NRXN3: variants seen among roughly 807,000 people sequenced by gnomAD.
NRXN3 encodes neurexin III.
NRXN3 carries 32 observed loss-of-function variants against 137.6 expected under a neutral mutation model. The ratio of observed to expected loss-of-function variants is 0.23; its 90% CI spans 0.18 to 0.31. The LOEUF (loss-of-function observed/expected upper bound fraction) is 0.31. Among genes scored for constraint, NRXN3 ranks in the 10% least tolerant of loss-of-function variants. NRXN3 has a pLI of 1.00. For missense variants in NRXN3, 1,574 were observed against 2,062.5 expected (o/e 0.76, Z 4.59); for synonymous variants, 798 against 784.5 (o/e 1.02, Z -0.29).
chr14:79,127,045 G>C (rs28847357), intron 15 of NRXN3, among the ~76,000 whole-genome samples: 7,410 of 152,032 alleles, frequency 0.049, 408 homozygotes, highest in African/African-American at 0.14. Flanking sequence ...TTGTAAATTT[G>C]TTTGAGTTCA....
At chr14:78,640,567 A>T (rs758601744) in intron 4 of NRXN3, among the ~76,000 whole-genome samples, 6 of 152,224 alleles carry the variant, frequency 3.9e-5, no homozygotes, top group Non-Finnish European at 5.9e-5. Context: ...TATTATATAA[A>T]TTATAAGTTG....
At chr14:78,275,749 G>A (rs988412362) in intron 2 of NRXN3, among the ~76,000 whole-genome samples, 1 of 152,158 alleles carries the variant, frequency 6.6e-6, no homozygotes, top group Admixed American at 6.5e-5. Flanking sequence ...GCTCAAGTGG[G>A]AGTGGGGGTC....
chr14:78,848,254 G>A (rs944436282), intron 10 of NRXN3, among the ~76,000 whole-genome samples: 5 of 152,122 alleles, frequency 3.3e-5, no homozygotes, highest in African/African-American at 1.2e-4. Flanking sequence ...AATGGAGGAT[G>A]CTCAGGGATC....
At chr14:79,721,811 C>T (rs937528476) in intron 19 of NRXN3, among the ~76,000 whole-genome samples, 4 of 152,078 alleles carry the variant, frequency 2.6e-5, no homozygotes, top group African/African-American at 7.2e-5. Context: ...CCATAACCTA[C>T]TGCTTGGATT....
At chr14:79,704,028 T>C (rs574944084) in intron 19 of NRXN3, among the ~76,000 whole-genome samples, 12 of 152,116 alleles carry the variant, frequency 7.9e-5, no homozygotes, top group Non-Finnish European at 1.5e-4. Context: ...TTGTGAGTTC[T>C]TCTAAGGGCC....
At chr14:79,135,489 C>T (rs952587033) in intron 15 of NRXN3, among the ~76,000 whole-genome samples, 1 of 152,128 alleles carries the variant, frequency 6.6e-6, no homozygotes, top group African/African-American at 2.4e-5. Flanking sequence ...TATGGGCTTG[C>T]TAAGCAATAC....
chr14:78,393,116 G>T (rs950845841), intron 4 of NRXN3, among the ~76,000 whole-genome samples: 1 of 151,882 alleles, frequency 6.6e-6, no homozygotes, highest in Non-Finnish European at 1.5e-5. Flanking sequence ...TATTGTAAAC[G>T]GGGGCAAGGG....
chr14:78,410,471 A>G (rs533684422), intron 4 of NRXN3, among the ~76,000 whole-genome samples: 2 of 152,238 alleles, frequency 1.3e-5, no homozygotes, highest in Non-Finnish European at 2.9e-5. Context: ...TAAATGGACT[A>G]TAAGACATAA....
intron 11 of NRXN3, among the ~76,000 whole-genome samples, chr14:78,961,264 C>A (rs1237036275): frequency 2.0e-5 from 3 of 152,028 alleles, no homozygotes; most frequent in Non-Finnish European, 4.4e-5. Context: ...CATTATTATT[C>A]TTTTTTGCTG....
In NRXN3 at chr14:79,866,127, A is replaced by G. The variant is rs2099417989; in HGVS notation, c.*4163A>G. The G allele has an allele frequency of 6.6e-6, 1 of 152,200 alleles. No individual in the cohort carries two copies. The highest frequency in any genetic ancestry group is 2.4e-5 in the African/African-American group (1 of 41,452). The allele number at this position is 152,200 out of a possible 1,614,324, so 9.4% of individuals were successfully genotyped here. A position where few individuals can be genotyped will look rare whatever the true frequency, so the allele number is the denominator to read the frequency against. ...CTTTTTGTCTCTTGTATAAATCTAT[A>G]CAGGTCCAGTCTCTCTTTGCTCATA... On this transcript the variant is annotated 3_prime_UTR_variant, in exon 21 of 21. Transcript: ENST00000335750.
At chr14:78,596,998 G>T (rs936519244) in intron 4 of NRXN3, among the ~76,000 whole-genome samples, 1 of 152,202 alleles carries the variant, frequency 6.6e-6, no homozygotes, top group African/African-American at 2.4e-5. Flanking sequence ...TGCAAAGAGG[G>T]CTGGGAGAGT....
At chr14:78,219,114 C>T (rs970061357) in intron 1 of NRXN3, among the ~76,000 whole-genome samples, 1 of 151,740 alleles carries the variant, frequency 6.6e-6, no homozygotes, top group Non-Finnish European at 1.5e-5. Flanking sequence ...AATCTAACTC[C>T]AAATACAGTC....
At chr14:78,761,512 T>A (rs2098692385) in intron 8 of NRXN3, among the ~76,000 whole-genome samples, 1 of 152,158 alleles carries the variant, frequency 6.6e-6, no homozygotes, top group Non-Finnish European at 1.5e-5. Context: ...AATGACATTT[T>A]CATTCATAAT....
chr14:79,052,235 A>C (rs1176924647), intron 15 of NRXN3, among the ~76,000 whole-genome samples: 1 of 152,164 alleles, frequency 6.6e-6, no homozygotes, highest in Middle Eastern at 3.2e-3. Context: ...AATTCTGTAC[A>C]TTTACGGGAT....
intron 4 of NRXN3, among the ~76,000 whole-genome samples, chr14:78,374,067 G>A (rs1331520351): frequency 6.6e-6 from 1 of 152,174 alleles, no homozygotes; most frequent in Non-Finnish European, 1.5e-5. Context: ...TAAAAACTAG[G>A]TCCGTCCTGG....
At chr14:79,617,726 T>G (rs1213740152) in intron 16 of NRXN3, among the ~76,000 whole-genome samples, 1 of 151,888 alleles carries the variant, frequency 6.6e-6, no homozygotes. Context: ...AAAGAGACAA[T>G]TAGGTAAAGG....
chr14:79,228,587 A>G (rs531183911), intron 15 of NRXN3, among the ~76,000 whole-genome samples: 1 of 152,274 alleles, frequency 6.6e-6, no homozygotes, highest in Non-Finnish European at 1.5e-5. Context: ...GGTAAAGATA[A>G]TTAAAGGGAC....
At chr14:79,114,963 G>C (rs2152899383) in intron 15 of NRXN3, among the ~76,000 whole-genome samples, 1 of 152,104 alleles carries the variant, frequency 6.6e-6, no homozygotes. Context: ...ATTACTCTTG[G>C]GTCTGGCCTG....
At chr14:78,782,408 T>C (rs1174200768) in intron 8 of NRXN3, among the ~76,000 whole-genome samples, 1 of 152,230 alleles carries the variant, frequency 6.6e-6, no homozygotes, top group East Asian at 1.9e-4. Flanking sequence ...GCGGGGTACA[T>C]CTTTGATCAT....
Sources: gnomAD v4.1 joint callset for allele counts (sites outside exome capture counted in the v4.1 genomes callset) on GRCh38, gnomAD v4.1.1 for gene constraint, MANE v1.5 for transcripts, NCBI Gene and HGNC (gene_info 2026-07-23, HGNC 2026-07-21) for gene names.